CPSF3: variants seen among roughly 807,000 people sequenced by gnomAD.
The protein encoded by CPSF3 is cleavage and polyadenylation specific factor 3, also known as cleavage and polyadenylation specificity factor subunit 3.
A neutral mutation model predicts 84.1 loss-of-function variants in CPSF3; 57 were observed. The ratio of observed to expected loss-of-function variants is 0.68; its 90% CI spans 0.55 to 0.85. The LOEUF (loss-of-function observed/expected upper bound fraction) is 0.85. CPSF3 is among the 40% of genes least tolerant of loss of function. CPSF3 has a pLI of 0.00. For synonymous variants in CPSF3, 275 were observed against 278.1 expected (o/e 0.99, Z 0.11); for missense variants, 522 against 838.8 (o/e 0.62, Z 4.66).
chr2:9,450,782 C>T (rs547557415), intron 11 of CPSF3, among the ~76,000 whole-genome samples: 18 of 152,200 alleles, frequency 1.2e-4, no homozygotes, highest in African/African-American at 4.1e-4. Context: ...AGCAAGACTC[C>T]GTCTTAAAAA....
At chr2:9,443,959 T>C (rs1681039310) in intron 10 of CPSF3, among the ~76,000 whole-genome samples, 1 of 152,058 alleles carries the variant, frequency 6.6e-6, no homozygotes, top group Non-Finnish European at 1.5e-5. Context: ...TGACTGCTCA[T>C]TTGGAATGCC....
chr2:9,435,594 T>C (rs772614921), intron 6 of CPSF3, among the ~76,000 whole-genome samples: 4 of 151,826 alleles, frequency 2.6e-5, no homozygotes, highest in East Asian at 1.9e-4. Flanking sequence ...AGCTAATTTT[T>C]GTATTTTTAG....
chr2:9,455,624 G>A (rs746230641), intron 12 of CPSF3, 35 bp from the exon 13 acceptor site: 3 of 1,445,490 alleles, frequency 2.1e-6, no homozygotes, highest in East Asian at 2.3e-5. Context: ...TGTAGGACTA[G>A]TATTTCTTCA....
Position 9,449,358 on chromosome 2 carries a change from G to T in CPSF3, c.1395+1008G>T, listed in dbSNP as rs759635139. 2.0e-5 allele frequency among the ~76,000 whole-genome samples: 3 copies of T among 152,294 alleles called. No individual in the cohort carries two copies. In the East Asian group the frequency reaches 5.8e-4, roughly 29 times the overall value. ...TGAGCTGAGATCGAACCTGAGAGAT[G>T]GAGGTTGCGGTGAGCTGCGATCGCG... On this transcript the variant is annotated intron_variant, in intron 11 of 17. Transcript: ENST00000238112.
In CPSF3 at chr2:9,466,323, C is replaced by A. The variant is rs550210568; in HGVS notation, c.1787-1384C>A. 7.4e-3 allele frequency among the ~76,000 whole-genome samples: 666 copies of A among 89,854 alleles called. 12 individuals are homozygous for A. Among genetic ancestry groups the A allele is most frequent in the African/African-American group, 0.024 (627 of 26,118 alleles). 58.9% of individuals were successfully genotyped at this position (89,854 alleles called of 152,430 possible). On this transcript the variant is annotated intron_variant, in intron 15 of 17. Transcript: ENST00000238112. ...ATGCACACGCACACTGACGCACGCA[C>A]ACAGACGCACGCACACACGCGCGCG...
intron 12 of CPSF3, among the ~76,000 whole-genome samples, chr2:9,454,763 C>G (rs1379431902): frequency 2.0e-5 from 3 of 151,896 alleles, no homozygotes; most frequent in African/African-American, 4.8e-5. Context: ...CCAGGATGGT[C>G]TCGATCTCCT....
At chr2:9,448,797 C>T (rs2124836616) in intron 11 of CPSF3, among the ~76,000 whole-genome samples, 1 of 152,172 alleles carries the variant, frequency 6.6e-6, no homozygotes, top group Middle Eastern at 3.4e-3. Context: ...CCACGTGATC[C>T]ACCCACCTCC....
chr2:9,466,081 C>T (rs1223956089), intron 15 of CPSF3, among the ~76,000 whole-genome samples: 1 of 152,182 alleles, frequency 6.6e-6, no homozygotes, highest in Admixed American at 6.5e-5. Context: ...TGGCTCACAC[C>T]TGTAATCCCA....
chr2:9,458,612 C>G (rs1681616219), intron 14 of CPSF3, among the ~76,000 whole-genome samples: 1 of 152,118 alleles, frequency 6.6e-6, no homozygotes, highest in Admixed American at 6.6e-5. Context: ...GGGCAGATCA[C>G]TTGAACCCAG....
intron 15 of CPSF3, among the ~76,000 whole-genome samples, chr2:9,462,483 A>G (rs917075261): frequency 2.6e-5 from 4 of 152,168 alleles, no homozygotes; most frequent in African/African-American, 7.2e-5. Flanking sequence ...TCCATGTGGC[A>G]GAGGAGGGAT....
chr2:9,446,633 C>T (rs1681136615), intron 10 of CPSF3, among the ~76,000 whole-genome samples: 1 of 150,496 alleles, frequency 6.6e-6, no homozygotes. Flanking sequence ...GTGGTTCACA[C>T]CTGTATCCCA....
At chr2:9,450,147 ATT>A (rs750560891) in intron 11 of CPSF3, among the ~76,000 whole-genome samples, 21 of 122,670 alleles carry the variant, frequency 1.7e-4, no homozygotes, top group East Asian at 6.7e-4. Context: ...ACAGGCACAA[ATT>A]TTTTTTTTTT....
intron 11 of CPSF3, among the ~76,000 whole-genome samples, chr2:9,449,388 T>G (rs1681239410): frequency 6.6e-6 from 1 of 152,018 alleles, no homozygotes; most frequent in African/African-American, 2.4e-5. Context: ...ATCGCGCCAA[T>G]GCACTCCAGC....
chr2:9,471,528 C>T, intron 17 of CPSF3, 89 bp downstream of exon 17: 2 of 788,320 alleles, frequency 2.5e-6, no homozygotes, highest in Non-Finnish European at 2.2e-6. Context: ...CAACAGTCTA[C>T]TGTTGCATAT....
rs761805535 is a variant in CPSF3 at position 9,436,367 on chromosome 2, C to T, written c.760+6C>T. On this transcript the variant is annotated splice_donor_region_variant and intron_variant, in intron 7 of 17. Coordinates refer to ENST00000238112, the MANE Select transcript of CPSF3 (RefSeq NM_016207.4). Reference sequence around the variant, plus strand: ...GGAGCTGCTCTTGATTCTAGGTATGCCATTTCCTTTGTATTTAGGCGATGA... The same window carrying T: ...GGAGCTGCTCTTGATTCTAGGTATGTCATTTCCTTTGTATTTAGGCGATGA... The T allele has an allele frequency of 2.5e-6, 4 of 1,597,472 alleles. No individual in the cohort carries two copies. Among genetic ancestry groups the T allele is most frequent in the Non-Finnish European group, 3.4e-6 (4 of 1,174,444 alleles).
chr2:9,435,333 T>C (rs1438437210), intron 6 of CPSF3, among the ~76,000 whole-genome samples: 1 of 152,132 alleles, frequency 6.6e-6, no homozygotes, highest in Non-Finnish European at 1.5e-5. Context: ...TTCTTCCTAA[T>C]GGAAAGCAAA....
At chr2:9,444,539 C>G (rs907275367) in intron 10 of CPSF3, among the ~76,000 whole-genome samples, 14 of 152,140 alleles carry the variant, frequency 9.2e-5, no homozygotes, top group Admixed American at 9.2e-4. Context: ...ATTAGAAGAA[C>G]ACTAATGAAG....
At chr2:9,453,982 T>A (rs1681423489) in intron 12 of CPSF3, among the ~76,000 whole-genome samples, 1 of 152,242 alleles carries the variant, frequency 6.6e-6, no homozygotes, top group South Asian at 2.1e-4. Context: ...TCCATATGCA[T>A]TCTTTGTCTT....
At chr2:9,450,216 A>G (rs1482917343) in intron 11 of CPSF3, among the ~76,000 whole-genome samples, 1 of 146,098 alleles carries the variant, frequency 6.8e-6, no homozygotes, top group Non-Finnish European at 1.5e-5. Flanking sequence ...CAATGGTGCC[A>G]TCTCGGCTCA....
Sources: allele counts gnomAD v4.1 joint callset (sites outside exome capture counted in the v4.1 genomes callset), GRCh38; gene constraint gnomAD v4.1.1; transcripts MANE v1.5; gene names NCBI Gene and HGNC (gene_info 2026-07-23, HGNC 2026-07-21).